Variants in ASXL1 observed in about 807,000 individuals in gnomAD.
The protein encoded by ASXL1 is polycomb group protein ASXL1.
ASXL1 carries 65 observed loss-of-function variants against 89.1 expected under a neutral mutation model. The ratio of observed to expected loss-of-function variants is 0.73; its 90% confidence interval spans 0.60 to 0.90. ASXL1 has a LOEUF of 0.90. ASXL1 is among the 40% of genes least tolerant of loss of function. The probability of loss-of-function intolerance (pLI) is 0.00; values close to 1 mark genes in which losing one functional copy is unlikely to be tolerated. For missense variants in ASXL1, 1,786 were observed against 1,942.9 expected (o/e 0.92, Z 1.52); for synonymous variants, 739 against 746.9 (o/e 0.99, Z 0.17).
Position 32,415,409 on chromosome 20 carries a change from C to T in ASXL1, c.253-12719C>T, listed in dbSNP as rs77160334. Among the ~76,000 whole-genome samples, 294 of 152,248 alleles carry T rather than the reference C, an allele frequency of 1.9e-3. 11 individuals carry two copies. In the East Asian group the frequency reaches 0.054, roughly 28 times the overall value. On this transcript the variant is annotated intron_variant, in intron 4 of 12. Transcript: ENST00000375687. ...CTCTAGTCTTCTGTTCCAGAACTTC[C>T]GTGGTTCAGTTTAATCAGAATATAA...
rs146743741 is a variant in ASXL1, at chr20:32,437,270, G to A, written c.4558G>A (p.Gly1520Ser). 5.0e-6 allele frequency: 8 copies of A among 1,614,128 alleles called. No individual in the cohort carries two copies. The highest frequency in any genetic ancestry group is 5.9e-6 in the Non-Finnish European group (7 of 1,180,012). ...AGCCATGATCATGTGCCAAGGCTGC[G>A]GTGCGTTCTGTCACGATGACTGTAT... The part of the protein sequence containing the change: ...LKAMIMCQGC[G>S]AFCHDDCIGP... Residue 1520 changes from glycine to serine, a missense_variant, in exon 13 of 13, where the codon GGT (glycine) becomes AGT (serine). This residue lies in a region of ASXL1 where 36 missense variants were observed against 65.5 expected (regional missense o/e 0.55). Coordinates refer to ENST00000375687, the MANE Select transcript of ASXL1 (RefSeq NM_015338.6).
At chr20:32,366,913 CAGTCA>C (rs1377624922) in intron 2 of ASXL1, among the ~76,000 whole-genome samples, 1 of 152,058 alleles carries the variant, frequency 6.6e-6, no homozygotes, top group Non-Finnish European at 1.5e-5. Context: ...TTACTAATTG[CAGTCA>C]TATATGATGT....
chr20:32,372,510 T>A, intron 4 of ASXL1: 3 of 652,200 alleles, frequency 4.6e-6, no homozygotes, highest in Non-Finnish European at 5.9e-6. Flanking sequence ...CCCACAGTAC[T>A]AGGTACATAG....
intron 4 of ASXL1, among the ~76,000 whole-genome samples, chr20:32,376,163 G>T (rs908704473): frequency 7.2e-5 from 11 of 152,128 alleles, no homozygotes; most frequent in Non-Finnish European, 5.9e-5. Flanking sequence ...TTGCATAGTG[G>T]TCGACCAAGG....
At position 32,413,313 on chromosome 20, in the gene ASXL1, G is replaced by A. The variant is rs530332345; in HGVS notation, c.253-14815G>A. On this transcript the variant is annotated intron_variant, in intron 4 of 12. Transcript: ENST00000375687. ...ACTAACAGGAATGGAATGGAGAGTT[G>A]GAGGGGGATGGAAATGGAAGGGATG... Among the ~76,000 whole-genome samples, 6 of 152,278 alleles carry A rather than the reference G, an allele frequency of 3.9e-5. No individual in the cohort carries two copies. The East Asian group carries it at 1.2e-3, about 29-fold the overall frequency.
At chr20:32,426,536 GTTTTCTTTTTTTTCTTTCTTTTT>G (rs1441010412) in intron 4 of ASXL1, among the ~76,000 whole-genome samples, 3 of 98,794 alleles carry the variant, frequency 3.0e-5, no homozygotes, top group African/African-American at 9.8e-5. Flanking sequence ...GTAGAAAACT[GTTTTCTTTTTTTTCTTTCTTTTT>G]TTTTTTTTTT....
chr20:32,365,756 C>T (rs2048193948), intron 1 of ASXL1, among the ~76,000 whole-genome samples: 1 of 152,154 alleles, frequency 6.6e-6, no homozygotes. Flanking sequence ...ACCAGTCATG[C>T]AGAATCATAG....
At chr20:32,372,240 G>C in intron 4 of ASXL1, 1 of 1,324,586 alleles carries the variant, frequency 7.5e-7, no homozygotes, top group Non-Finnish European at 9.9e-7. Context: ...TGAACCTGCT[G>C]TAAGCTTGGG....
At chr20:32,372,869 A>AG (rs1163247721) in intron 4 of ASXL1, among the ~76,000 whole-genome samples, 1 of 151,546 alleles carries the variant, frequency 6.6e-6, no homozygotes, top group Non-Finnish European at 1.5e-5. Context: ...CTGGGATTAC[A>AG]GGTGTGAGCC....
chr20:32,431,551 A>G (rs2123236268), intron 9 of ASXL1, 32 bp from the exon 10 acceptor site: 1 of 1,613,854 alleles, frequency 6.2e-7, no homozygotes, highest in Non-Finnish European at 8.5e-7. Context: ...AAGTTTATTT[A>G]TTAGGATTTT....
chr20:32,383,109 G>A (rs1001900485), intron 4 of ASXL1, among the ~76,000 whole-genome samples: 2 of 151,990 alleles, frequency 1.3e-5, no homozygotes, highest in Non-Finnish European at 2.9e-5. Context: ...TTTTCTCTTG[G>A]TTTTCTGACC....
chr20:32,419,055 A>C (rs1334335420), intron 4 of ASXL1, among the ~76,000 whole-genome samples: 1 of 149,380 alleles, frequency 6.7e-6, no homozygotes, highest in Non-Finnish European at 1.5e-5. Context: ...CTGGTCTTGA[A>C]CTCCTGACGT....
intron 3 of ASXL1, 32 bp downstream of exon 3, chr20:32,367,761 G>T: frequency 1.3e-6 from 1 of 780,764 alleles, no homozygotes; most frequent in South Asian, 1.3e-5. Context: ...ATATGGAATT[G>T]AGAACCTTAA....
At position 32,435,701 on chromosome 20, in the gene ASXL1, G is replaced by T. The variant is rs786205552; in HGVS notation, c.2989G>T (p.Glu997Ter). Residue 997 changes from glutamate (E) to a stop codon, truncating the protein, a stop_gained, in exon 13 of 13, where the codon GAG (glutamate) becomes TAG (stop). Transcript: ENST00000375687. LOFTEE classifies it low-confidence loss of function (END_TRUNC). Reference sequence around the variant, plus strand: ...CTCTGAAGCACTGAGTCCTCACGGTGAGTCCACGGATACAGCCTCTGACTT... The same window carrying T: ...CTCTGAAGCACTGAGTCCTCACGGTTAGTCCACGGATACAGCCTCTGACTT... ...GDSEALSPHG[E>*]STDTASDFEG... The T allele has an allele frequency of 6.2e-7, 1 of 1,614,204 alleles. No individual in the cohort carries two copies. The highest frequency in any genetic ancestry group is 8.5e-7 in the Non-Finnish European group (1 of 1,180,036).
chr20:32,407,080 G>A (rs1223101997), intron 4 of ASXL1, among the ~76,000 whole-genome samples: 1 of 151,988 alleles, frequency 6.6e-6, no homozygotes, highest in Non-Finnish European at 1.5e-5. Context: ...GGTGGCTCAC[G>A]CATGTAATCC....
At chr20:32,430,468 G>A (rs907004132) in intron 8 of ASXL1, 6 of 245,236 alleles carry the variant, frequency 2.4e-5, no homozygotes, top group Non-Finnish European at 4.8e-5. Flanking sequence ...AACCTAGTCA[G>A]TATGTTGAGT....
In ASXL1 at chr20:32,433,859, G is replaced by C. The variant is rs752824843; in HGVS notation, c.1661G>C (p.Ser554Thr). ...CAGTCCTTTCGTAACACAATTGAAA[G>C]TGTTCACACCGAAAAGCCACAGCCC... ...DRQSFRNTIE[S>T]VHTEKPQPTK... The change falls in exon 12 of 13, where the codon AGT becomes ACT. Residue 554 changes from serine to threonine, a missense_variant. Transcript: ENST00000375687. 6.2e-7 allele frequency: 1 copy of C among 1,613,976 alleles called. No individual in the cohort carries two copies. The highest frequency in any genetic ancestry group is 8.5e-7 in the Non-Finnish European group (1 of 1,180,030).
At chr20:32,386,139 T>C (rs1367257870) in intron 4 of ASXL1, among the ~76,000 whole-genome samples, 2 of 152,186 alleles carry the variant, frequency 1.3e-5, no homozygotes, top group African/African-American at 2.4e-5. Context: ...AGAGAATCTG[T>C]ATTATTTTGT....
At chr20:32,361,335 C>CT in intron 1 of ASXL1, among the ~76,000 whole-genome samples, 2 of 151,768 alleles carry the variant, frequency 1.3e-5, no homozygotes, top group African/African-American at 2.4e-5. Flanking sequence ...TAGAGGGAGA[C>CT]CCTGACTCTA....
Sources: gnomAD v4.1 joint callset for allele counts (sites outside exome capture counted in the v4.1 genomes callset) on GRCh38, gnomAD v4.1.1 for gene constraint, gnomAD v4.1.1 regional missense constraint, MANE v1.5 for transcripts, NCBI Gene and HGNC (gene_info 2026-07-23, HGNC 2026-07-21) for gene names.